ADAMTS3: variants seen among roughly 807,000 people sequenced by gnomAD.
The protein encoded by ADAMTS3 is ADAM metallopeptidase with thrombospondin type 1 motif 3, also known as A disintegrin and metalloproteinase with thrombospondin motifs 3.
In ADAMTS3, 73 loss-of-function variants were observed where a neutral mutation model predicts 129.0. The observed-to-expected ratio is 0.57, with a 90% CI of 0.47 to 0.69. The LOEUF (loss-of-function observed/expected upper bound fraction) is 0.69, where lower values mean the gene tolerates loss of function less well. Among genes scored for constraint, ADAMTS3 ranks in the 30% least tolerant of loss-of-function variants. The probability of loss-of-function intolerance (pLI) is 0.00; values close to 1 mark genes in which losing one functional copy is unlikely to be tolerated. For synonymous variants in ADAMTS3, 477 were observed against 510.8 expected (o/e 0.93, Z 0.89); for missense variants, 1,457 against 1,514.5 (o/e 0.96, Z 0.63).
intron 3 of ADAMTS3, among the ~76,000 whole-genome samples, chr4:72,441,143 A>G (rs967878724): frequency 6.6e-6 from 1 of 151,804 alleles, no homozygotes; most frequent in Non-Finnish European, 1.5e-5. Context: ...CTTGGACTGC[A>G]TATCAATCAA....
At chr4:72,499,610 T>C (rs969528504) in intron 3 of ADAMTS3, among the ~76,000 whole-genome samples, 2 of 152,158 alleles carry the variant, frequency 1.3e-5, no homozygotes, top group African/African-American at 4.8e-5. Flanking sequence ...TTTCTTTAAA[T>C]TTTTCCATTT....
At chr4:72,558,366 T>C (rs1721819123) in intron 2 of ADAMTS3, among the ~76,000 whole-genome samples, 1 of 151,708 alleles carries the variant, frequency 6.6e-6, no homozygotes, top group African/African-American at 2.4e-5. Flanking sequence ...GCCTGGCTTA[T>C]GGTCCCCCTT....
chr4:72,569,006 A>G lies in ADAMTS3; in HGVS notation c.-244T>C. 1.8e-6 allele frequency: 1 copy of G among 563,548 alleles called. No individual in the cohort carries two copies. The highest frequency in any genetic ancestry group is 3.2e-6 in the Non-Finnish European group (1 of 316,104). The allele number at this position is 563,548 out of a possible 1,614,324, so 34.9% of individuals were successfully genotyped here. A position where few individuals can be genotyped will look rare whatever the true frequency, so the allele number is the denominator to read the frequency against. On this transcript the variant is annotated 5_prime_UTR_variant, in exon 1 of 22. Transcript: ENST00000286657. ...CCCGTCCTCCCAACACAGAGTGTGC[A>G]GGAGCGAGAAGGTGCTGTAAGCGGG...
In ADAMTS3 at chr4:72,508,408, G is replaced by T. The variant is rs371274658; in HGVS notation, c.504+40070C>A. ...TTACTTTTCTAAGATATTTTTCAAG[G>T]TAATTGGAGAAAACAATGAGTATGG... On this transcript the variant is annotated intron_variant, in intron 3 of 21. Transcript: ENST00000286657. Among the ~76,000 whole-genome samples, 474 of 152,144 alleles carry T rather than the reference G, an allele frequency of 3.1e-3. 5 individuals are homozygous for T. The highest frequency in any genetic ancestry group is 0.011 in the African/African-American group (461 of 41,534).
In ADAMTS3 at chr4:72,304,724, A is replaced by C. The variant is rs554148875; in HGVS notation, c.2261-644T>G. On this transcript the variant is annotated intron_variant, in intron 16 of 21. Transcript: ENST00000286657. Reference sequence around the variant, plus strand: ...CTGGCTTAATGAGTAAAAAATAATGAATGGGATTTTAAATTTTAGATTTGT... The same window carrying C: ...CTGGCTTAATGAGTAAAAAATAATGCATGGGATTTTAAATTTTAGATTTGT... Among the ~76,000 whole-genome samples the C allele has an allele frequency of 1.4e-4, 22 of 152,206 alleles. No homozygotes were observed. The South Asian group carries it at 4.6e-3, about 31-fold the overall frequency.
intron 3 of ADAMTS3, among the ~76,000 whole-genome samples, chr4:72,542,478 T>C (rs547382722): frequency 2.1e-4 from 32 of 152,344 alleles, no homozygotes; most frequent in Admixed American, 3.3e-4. Flanking sequence ...TTATCATTAT[T>C]TTATTGTTAT....
At chr4:72,511,286 T>C (rs1408618730) in intron 3 of ADAMTS3, among the ~76,000 whole-genome samples, 1 of 151,984 alleles carries the variant, frequency 6.6e-6, no homozygotes, top group Non-Finnish European at 1.5e-5. Flanking sequence ...TGGGATCACA[T>C]CAACTTAAAA....
chr4:72,376,122 C>T (rs964594553), intron 4 of ADAMTS3, among the ~76,000 whole-genome samples: 4 of 152,156 alleles, frequency 2.6e-5, no homozygotes, highest in Non-Finnish European at 5.9e-5. Context: ...GTGCTACATA[C>T]ATTTAAATAT....
chr4:72,303,077 A>G (rs1180026129), intron 17 of ADAMTS3, among the ~76,000 whole-genome samples: 1 of 152,172 alleles, frequency 6.6e-6, no homozygotes, highest in Non-Finnish European at 1.5e-5. Flanking sequence ...TCTGCTAGAT[A>G]TGAATAAGAC....
intron 3 of ADAMTS3, among the ~76,000 whole-genome samples, chr4:72,416,598 T>C (rs1722311526): frequency 6.6e-6 from 1 of 152,206 alleles, no homozygotes; most frequent in African/African-American, 2.4e-5. Context: ...TCTTTCCTTA[T>C]CTGACTAATT....
At chr4:72,515,390 A>G (rs1486499369) in intron 3 of ADAMTS3, among the ~76,000 whole-genome samples, 1 of 151,934 alleles carries the variant, frequency 6.6e-6, no homozygotes, top group Non-Finnish European at 1.5e-5. Context: ...TTCTAGTTCT[A>G]GATCCTTGAG....
intron 4 of ADAMTS3, among the ~76,000 whole-genome samples, chr4:72,387,004 C>G (rs935589990): frequency 2.0e-5 from 3 of 152,168 alleles, no homozygotes; most frequent in African/African-American, 7.2e-5. Flanking sequence ...ATAGCTAAGA[C>G]TATCCAAAAT....
intron 3 of ADAMTS3, among the ~76,000 whole-genome samples, chr4:72,429,575 T>C (rs778807397): frequency 2.0e-5 from 3 of 152,070 alleles, no homozygotes; most frequent in Non-Finnish European, 4.4e-5. Flanking sequence ...ATCCTGAACC[T>C]TCCTGAGTTA....
intron 3 of ADAMTS3, among the ~76,000 whole-genome samples, chr4:72,474,932 C>A: frequency 6.7e-6 from 1 of 150,202 alleles, no homozygotes. Context: ...GAGGCTGAGG[C>A]AGGAGAATGG....
intron 4 of ADAMTS3, among the ~76,000 whole-genome samples, chr4:72,359,287 G>C (rs1720660045): frequency 6.6e-6 from 1 of 151,982 alleles, no homozygotes; most frequent in East Asian, 1.9e-4. Flanking sequence ...GCTTGCTTCT[G>C]CATTTCTATA....
intron 3 of ADAMTS3, among the ~76,000 whole-genome samples, chr4:72,492,376 A>C (rs1328539073): frequency 6.6e-6 from 1 of 151,366 alleles, no homozygotes; most frequent in African/African-American, 2.4e-5. Context: ...ATTTATACCT[A>C]CAAAGATTCC....
intron 4 of ADAMTS3, among the ~76,000 whole-genome samples, chr4:72,403,232 A>G (rs1489698421): frequency 1.3e-5 from 2 of 152,092 alleles, no homozygotes; most frequent in Non-Finnish European, 2.9e-5. Context: ...TCACTTTTCT[A>G]TCTCTGGATA....
chr4:72,324,655 G>GA (rs1030427613), intron 5 of ADAMTS3, among the ~76,000 whole-genome samples: 4 of 151,956 alleles, frequency 2.6e-5, no homozygotes, highest in African/African-American at 9.7e-5. Flanking sequence ...GCCAAGCTGT[G>GA]AAAAAAAATC....
At chr4:72,314,841 A>T (rs1016843379) in intron 11 of ADAMTS3, among the ~76,000 whole-genome samples, 4 of 152,194 alleles carry the variant, frequency 2.6e-5, no homozygotes, top group African/African-American at 4.8e-5. Context: ...CAGTTTATAC[A>T]CATTTGAAAT....
Sources: allele counts gnomAD v4.1 joint callset (sites outside exome capture counted in the v4.1 genomes callset), GRCh38; gene constraint gnomAD v4.1.1; transcripts MANE v1.5; gene names NCBI Gene and HGNC (gene_info 2026-07-23, HGNC 2026-07-21).